Variants in DNAH3 observed in about 807,000 individuals in gnomAD.
DNAH3 encodes axonemal beta dynein heavy chain 3.
Under a neutral mutation model 432.5 loss-of-function variants are expected in DNAH3, and 332 were observed. The observed-to-expected ratio is 0.77, with a 90% CI of 0.70 to 0.84. DNAH3 has a LOEUF of 0.84. Ranked by LOEUF, DNAH3 falls within the 40% of genes least tolerant of loss-of-function variation. The probability of loss-of-function intolerance (pLI) is 0.00; values close to 1 mark genes in which losing one functional copy is unlikely to be tolerated. For synonymous variants in DNAH3, 1,956 were observed against 1,900.2 expected, an observed-to-expected ratio of 1.03 and a Z score of -0.76; for missense variants, 4,861 against 5,114.0, an observed-to-expected ratio of 0.95 and a Z score of 1.51.
chr16:20,982,712 A>G lies in DNAH3; in HGVS notation c.7859+9T>C, dbSNP rs777538353. 158 of 1,609,440 alleles carry G rather than the reference A, an allele frequency of 9.8e-5. No individual in the cohort carries two copies. Among genetic ancestry groups the G allele is most frequent in the Non-Finnish European group, 1.3e-4 (151 of 1,176,764 alleles). Reference sequence around the variant, plus strand: ...ATATCTAGAGTCCTAAAATGCAATCAACACTTACTCTACCCGAATGTTGTC... The same window carrying G: ...ATATCTAGAGTCCTAAAATGCAATCGACACTTACTCTACCCGAATGTTGTC... On this transcript the variant is annotated intron_variant, in intron 49 of 61. Transcript: ENST00000261383.
chr16:21,032,703 C>T (rs886503806), intron 36 of DNAH3, among the ~76,000 whole-genome samples: 3 of 151,926 alleles, frequency 2.0e-5, no homozygotes, highest in African/African-American at 7.3e-5. Flanking sequence ...ATCCCAGCTA[C>T]CCGGGAGCCT....
chr16:21,002,398 T>G (rs1031925765), intron 42 of DNAH3, among the ~76,000 whole-genome samples: 6 of 152,000 alleles, frequency 3.9e-5, no homozygotes, highest in Non-Finnish European at 7.4e-5. Context: ...AAAGAATCCT[T>G]TTTTGCTGAG....
At chr16:20,998,441 C>T (rs554430455) in intron 43 of DNAH3, among the ~76,000 whole-genome samples, 3 of 151,932 alleles carry the variant, frequency 2.0e-5, no homozygotes, top group East Asian at 1.9e-4. Flanking sequence ...TTAGTAGAGA[C>T]GGGGTTTCAC....
At chr16:21,029,373 G>A (rs538682494) in intron 37 of DNAH3, among the ~76,000 whole-genome samples, 1 of 152,284 alleles carries the variant, frequency 6.6e-6, no homozygotes, top group African/African-American at 2.4e-5. Context: ...ATCCAGTGAA[G>A]GAATTCTTCC....
At chr16:20,972,739 ATT>A (rs34245316) in intron 51 of DNAH3, among the ~76,000 whole-genome samples, 55 of 95,958 alleles carry the variant, frequency 5.7e-4, no homozygotes, top group East Asian at 2.6e-3. Context: ...ATGCCCCGTG[ATT>A]TTTTTTTTTT....
At chr16:21,054,175 T>G (rs182612427) in intron 28 of DNAH3, among the ~76,000 whole-genome samples, 2 of 152,320 alleles carry the variant, frequency 1.3e-5, no homozygotes, top group East Asian at 3.9e-4. Flanking sequence ...GAAATGACTT[T>G]GGCCATCATT....
intron 5 of DNAH3, 95 bp downstream of exon 6, chr16:21,140,441 C>T: frequency 7.5e-7 from 1 of 1,337,254 alleles, no homozygotes; most frequent in South Asian, 1.4e-5. Flanking sequence ...CAAACATTTC[C>T]CAGGTGATTC....
intron 12 of DNAH3, among the ~76,000 whole-genome samples, chr16:21,112,952 C>G (rs1008016260): frequency 2.2e-4 from 33 of 152,130 alleles, no homozygotes; most frequent in African/African-American, 7.2e-4. Context: ...ACCTGTACCC[C>G]CATTGTATCT....
At chr16:21,138,811 T>C (rs376493238) in intron 5 of DNAH3, among the ~76,000 whole-genome samples, 1 of 146,360 alleles carries the variant, frequency 6.8e-6, no homozygotes, top group African/African-American at 2.5e-5. Flanking sequence ...CTCCCTCTAA[T>C]AAAAAAAAAA....
chr16:21,007,529 T>C (rs2087370354), intron 41 of DNAH3, among the ~76,000 whole-genome samples: 1 of 152,148 alleles, frequency 6.6e-6, no homozygotes, highest in Non-Finnish European at 1.5e-5. Flanking sequence ...AACGGTCTAT[T>C]CAGATATTTT....
exon 53 of DNAH3, chr16:20,964,208 C>A: frequency 6.2e-7 from 1 of 1,614,152 alleles, no homozygotes; most frequent in East Asian, 2.2e-5. Context: ...GCACTTTCCA[C>A]AATCAACTGG....
chr16:21,140,418 C>T (rs1171153959), intron 5 of DNAH3, 118 bp downstream of exon 6: 2 of 1,108,074 alleles, frequency 1.8e-6, no homozygotes, highest in East Asian at 2.4e-5. Flanking sequence ...TGGGTCTAGA[C>T]TTTGGTGTTT....
In DNAH3 at chr16:21,037,890, C is replaced by T. The variant is rs140819175; in HGVS notation, c.4821G>A (p.Lys1607=). 14 of 1,614,064 alleles carry T rather than the reference C, an allele frequency of 8.7e-6. No homozygotes were observed. The African/African-American group carries it at 1.7e-4, about 20-fold the overall frequency. ...GGTTTCCTGCGGCAGTAAGCACAGA[C>T]TTGACAGCGCGCATACCGTAGTCAT... Residue 1607 remains lysine (K), a synonymous_variant, in exon 34 of 62, where the codon AAG becomes AAA. Coordinates refer to ENST00000261383, the Ensembl canonical transcript of DNAH3.
At chr16:21,148,880 T>C (rs2152834792) in intron 1 of DNAH3, among the ~76,000 whole-genome samples, 1 of 152,288 alleles carries the variant, frequency 6.6e-6, no homozygotes, top group Middle Eastern at 3.4e-3. Context: ...TGTGGCACCT[T>C]CAAGAGATCG....
chr16:20,973,170 A>C (rs1160814010), intron 51 of DNAH3, among the ~76,000 whole-genome samples: 2 of 151,156 alleles, frequency 1.3e-5, no homozygotes, highest in Non-Finnish European at 2.9e-5. Context: ...TTGGCTTCTA[A>C]TCCCACTAAC....
chr16:21,082,638 T>C (rs113699349), intron 19 of DNAH3, among the ~76,000 whole-genome samples: 123 of 152,100 alleles, frequency 8.1e-4, no homozygotes, highest in African/African-American at 2.9e-3. Flanking sequence ...AAGACCAGCC[T>C]GTCAAACAGG....
chr16:21,098,808 A>C (rs2091763013), intron 16 of DNAH3, 39 bp from the exon 17 acceptor site: 1 of 1,588,656 alleles, frequency 6.3e-7, no homozygotes, highest in African/African-American at 1.4e-5. Flanking sequence ...TGGACTTTGC[A>C]TTTTGTGCAC....
intron 16 of DNAH3, among the ~76,000 whole-genome samples, chr16:21,100,206 A>G (rs1348967054): frequency 6.6e-6 from 1 of 151,916 alleles, no homozygotes; most frequent in Non-Finnish European, 1.5e-5. Flanking sequence ...CAAGTAGCTG[A>G]GATTATAGGT....
At chr16:20,997,188 G>A (rs1391264260) in intron 44 of DNAH3, 95 bp downstream of exon 44, 1 of 1,315,546 alleles carries the variant, frequency 7.6e-7, no homozygotes, top group Non-Finnish European at 1.1e-6. Flanking sequence ...TGGTTTGGCA[G>A]GACAGACTGT....
Sources: gnomAD v4.1 joint callset for allele counts (sites outside exome capture counted in the v4.1 genomes callset) on GRCh38, gnomAD v4.1.1 for gene constraint, MANE v1.5 for transcripts, NCBI Gene and HGNC (gene_info 2026-07-23, HGNC 2026-07-21) for gene names.